RABGAP1L: variants seen among roughly 807,000 people sequenced by gnomAD.
The protein encoded by RABGAP1L is rab GTPase-activating protein 1-like.
In RABGAP1L, 63 loss-of-function variants were observed where a neutral mutation model predicts 137.7. The ratio of observed to expected loss-of-function variants is 0.46; its 90% CI spans 0.37 to 0.56. RABGAP1L has a LOEUF of 0.56. Among genes scored for constraint, RABGAP1L ranks in the 20% least tolerant of loss-of-function variants. The pLI is 0.00. For synonymous variants in RABGAP1L, 431 were observed against 433.7 expected (o/e 0.99, Z 0.08); for missense variants, 1,095 against 1,244.0 (o/e 0.88, Z 1.80).
intron 13 of RABGAP1L, among the ~76,000 whole-genome samples, chr1:174,411,262 A>G (rs1178082591): frequency 1.3e-5 from 2 of 152,056 alleles, no homozygotes; most frequent in Non-Finnish European, 2.9e-5. Context: ...TAGGACTTCC[A>G]TTACTATGTT....
At chr1:174,295,165 C>G (rs558050717) in intron 10 of RABGAP1L, among the ~76,000 whole-genome samples, 8 of 151,986 alleles carry the variant, frequency 5.3e-5, no homozygotes, top group Admixed American at 2.0e-4. Flanking sequence ...GATCCGCCCA[C>G]CTTGGCCTCC....
Position 174,588,457 on chromosome 1 carries a change from G to A in RABGAP1L, c.1711-48918G>A, listed in dbSNP as rs553667603. On this transcript the variant is annotated intron_variant, in intron 13 of 25. Coordinates refer to ENST00000681986, the MANE Select transcript of RABGAP1L (RefSeq NM_001366446.1). ...TAGGATTATAGGCATGAGCCACCAC[G>A]CCTGGCCCGGCCTAGTTATTTTTAA... is the stretch of plus-strand genomic sequence containing the variant. 8.5e-5 allele frequency among the ~76,000 whole-genome samples: 13 copies of A among 152,260 alleles called. No homozygotes were observed. The East Asian group carries it at 2.3e-3, about 27-fold the overall frequency.
At chr1:174,895,043 C>T (rs1458866450) in intron 19 of RABGAP1L, among the ~76,000 whole-genome samples, 1 of 152,174 alleles carries the variant, frequency 6.6e-6, no homozygotes, top group African/African-American at 2.4e-5. Flanking sequence ...AGGCGTGAGC[C>T]ACCGTGCCTG....
chr1:174,496,888 T>C (rs1416552939), intron 13 of RABGAP1L, among the ~76,000 whole-genome samples: 4 of 152,116 alleles, frequency 2.6e-5, no homozygotes, highest in Non-Finnish European at 5.9e-5. Flanking sequence ...CAACTGCCCA[T>C]CCTACCCACA....
intron 14 of RABGAP1L, among the ~76,000 whole-genome samples, chr1:174,640,605 G>A (rs996476558): frequency 3.3e-5 from 5 of 151,916 alleles, no homozygotes; most frequent in African/African-American, 9.7e-5. Flanking sequence ...ACACTCAGCC[G>A]TCCACCTCTG....
intron 19 of RABGAP1L, among the ~76,000 whole-genome samples, chr1:174,943,030 A>G (rs1666148501): frequency 6.6e-6 from 1 of 152,156 alleles, no homozygotes; most frequent in Non-Finnish European, 1.5e-5. Context: ...TGGGGAAACT[A>G]TGAACCTCTG....
At chr1:174,383,074 T>TG (rs1277521824) in intron 12 of RABGAP1L, among the ~76,000 whole-genome samples, 1 of 151,076 alleles carries the variant, frequency 6.6e-6, no homozygotes, top group African/African-American at 2.5e-5. Flanking sequence ...GTGCCCCTGC[T>TG]GGGGGGTGCC....
chr1:174,456,730 ATCTT>A (rs1435927975), intron 13 of RABGAP1L, among the ~76,000 whole-genome samples: 1 of 152,154 alleles, frequency 6.6e-6, no homozygotes, highest in African/African-American at 2.4e-5. Context: ...CTTAGAGGAA[ATCTT>A]TCTTTAAGTC....
chr1:174,513,216 C>A (rs1484284599), intron 13 of RABGAP1L, among the ~76,000 whole-genome samples: 1 of 152,064 alleles, frequency 6.6e-6, no homozygotes, highest in African/African-American at 2.4e-5. Flanking sequence ...TAGCATCACT[C>A]AATATTAATA....
At chr1:174,165,097 G>A (rs970173210) in intron 1 of RABGAP1L, among the ~76,000 whole-genome samples, 6 of 152,130 alleles carry the variant, frequency 3.9e-5, no homozygotes, top group African/African-American at 7.2e-5. Flanking sequence ...AGTAATGGGT[G>A]GTAAAAAGAT....
intron 19 of RABGAP1L, among the ~76,000 whole-genome samples, chr1:174,931,442 A>G (rs1260656135): frequency 1.3e-5 from 2 of 152,154 alleles, no homozygotes; most frequent in Non-Finnish European, 2.9e-5. Context: ...TTTCAAGCTA[A>G]ATAGAAGCCA....
chr1:174,642,534 A>G (rs1313624812), intron 14 of RABGAP1L, among the ~76,000 whole-genome samples: 1 of 152,096 alleles, frequency 6.6e-6, no homozygotes, highest in Non-Finnish European at 1.5e-5. Context: ...ATTATTTTCA[A>G]TACAATTTTC....
chr1:174,776,603 C>G (rs975821388), intron 18 of RABGAP1L, among the ~76,000 whole-genome samples: 3 of 152,134 alleles, frequency 2.0e-5, no homozygotes, highest in Non-Finnish European at 4.4e-5. Context: ...TCAGTTCCTT[C>G]TGAGTAAACA....
At chr1:174,383,908 T>C (rs1287014822) in intron 12 of RABGAP1L, among the ~76,000 whole-genome samples, 1 of 152,180 alleles carries the variant, frequency 6.6e-6, no homozygotes, top group Non-Finnish European at 1.5e-5. Flanking sequence ...TGAAGACCCT[T>C]CTTATACCAC....
At chr1:174,895,936 C>A (rs1444137838) in intron 19 of RABGAP1L, among the ~76,000 whole-genome samples, 1 of 152,152 alleles carries the variant, frequency 6.6e-6, no homozygotes, top group Non-Finnish European at 1.5e-5. Context: ...AGCATAATTT[C>A]TAATCCTTTG....
At position 174,289,445 on chromosome 1, in the gene RABGAP1L, A is replaced by G. The variant is rs552796186; in HGVS notation, c.1323+10666A>G. Among the ~76,000 whole-genome samples the G allele has an allele frequency of 8.5e-5, 13 of 152,270 alleles. No individual in the cohort carries two copies. The South Asian group carries it at 1.2e-3, about 15-fold the overall frequency. On this transcript the variant is annotated intron_variant, in intron 10 of 25. Coordinates refer to ENST00000681986, the MANE Select transcript of RABGAP1L (RefSeq NM_001366446.1). ...TTCTTGTAGTTCACTGATTTTTAAG[A>G]GTATTATTCTAAATTCTTTGTTAGT...
intron 19 of RABGAP1L, among the ~76,000 whole-genome samples, chr1:174,946,792 T>A (rs951218246): frequency 6.7e-6 from 1 of 148,528 alleles, no homozygotes; most frequent in Non-Finnish European, 1.5e-5. Flanking sequence ...TCCCAGTTAC[T>A]CGGGAGGCTG....
intron 12 of RABGAP1L, among the ~76,000 whole-genome samples, chr1:174,375,704 A>G (rs1278075507): frequency 6.6e-6 from 1 of 152,212 alleles, no homozygotes; most frequent in African/African-American, 2.4e-5. Context: ...AATTGAATTC[A>G]TAGTTTAAAA....
intron 13 of RABGAP1L, among the ~76,000 whole-genome samples, chr1:174,484,002 G>T (rs1659389623): frequency 6.6e-6 from 1 of 152,096 alleles, no homozygotes; most frequent in Non-Finnish European, 1.5e-5. Flanking sequence ...CATAGTGGTT[G>T]TACTAATTTA....
Sources: gnomAD v4.1 joint callset for allele counts (sites outside exome capture counted in the v4.1 genomes callset) on GRCh38, gnomAD v4.1.1 for gene constraint, MANE v1.5 for transcripts, NCBI Gene and HGNC (gene_info 2026-07-23, HGNC 2026-07-21) for gene names.